The following GGA3 variants were observed in gnomAD, a reference collection of about 807,000 sequenced individuals.
GGA3 encodes golgi associated, gamma adaptin ear containing, ARF binding protein 3, also known as ADP-ribosylation factor-binding protein GGA3.
Under a neutral mutation model 77.5 loss-of-function variants are expected in GGA3, and 57 were observed. The observed-to-expected ratio is 0.74, with a 90% CI of 0.59 to 0.92. GGA3 has a LOEUF of 0.92. Ranked by LOEUF, GGA3 falls within the 40% of genes least tolerant of loss-of-function variation. The pLI is 0.00. For missense variants in GGA3, 970 were observed against 914.9 expected, an observed-to-expected ratio of 1.06 and a Z score of -0.78; for synonymous variants, 416 against 383.7, an observed-to-expected ratio of 1.08 and a Z score of -0.98.
chr17:75,240,845 G>T lies in GGA3; in HGVS notation c.1159C>A (p.Leu387Ile). Reference protein sequence around the residue: ...TLGPSSTSNALSWLDEELLCL... With the variant: ...TLGPSSTSNAISWLDEELLCL... ...AGTAGCTCCTCGTCCAGCCAGGAGA[G>T]GGCGTTGCTTGTGCTGCTGGGCCCC... Residue 387 changes from leucine to isoleucine, a missense_variant, in exon 11 of 17, where the codon CTC becomes ATC. Physicochemically the swap from Leu to Ile is conservative, Grantham distance 5 (BLOSUM62 2). Coordinates refer to ENST00000537686, the MANE Select transcript of GGA3 (RefSeq NM_138619.4). The T allele has an allele frequency of 6.2e-7, 1 of 1,613,018 alleles. No homozygotes were observed. The highest frequency in any genetic ancestry group is 8.5e-7 in the Non-Finnish European group (1 of 1,179,838).
At position 75,240,924 on chromosome 17, in the gene GGA3, G is replaced by A; in HGVS notation, c.1080C>T (p.Pro360=). The change falls in exon 11 of 17, where the codon CCC becomes CCT. Residue 360 remains proline (P), a synonymous_variant. Coordinates refer to ENST00000537686, the MANE Select transcript of GGA3 (RefSeq NM_138619.4). ...GGCTCCGTGGAGGTCCTGAGGCCTG[G>A]GGTGGTGGAGGGAGGATTGGGATGC... The part of the protein sequence containing the change: ...SSGIPILPPP[P]QASGPPRSRS... 6.2e-7 allele frequency: 1 copy of A among 1,614,020 alleles called. No homozygotes were observed. The highest frequency in any genetic ancestry group is 8.5e-7 in the Non-Finnish European group (1 of 1,179,952).
intron 1 of GGA3, among the ~76,000 whole-genome samples, chr17:75,250,762 CAAAAAAA>C (rs5822078): frequency 2.5e-5 from 2 of 78,834 alleles, no homozygotes; most frequent in Admixed American, 1.4e-4. Flanking sequence ...ACTCCATCTC[CAAAAAAA>C]AAAAAAAAAA....
chr17:75,247,039 C>A (rs1265115155), intron 1 of GGA3, among the ~76,000 whole-genome samples: 1 of 151,788 alleles, frequency 6.6e-6, no homozygotes, highest in Admixed American at 6.6e-5. Context: ...AAAACAAATT[C>A]TGTCTCATGA....
At position 75,243,366 on chromosome 17, in the gene GGA3, G is replaced by T. The variant is rs546013131; in HGVS notation, c.424+81C>A. The T allele has an allele frequency of 3.2e-6, 5 of 1,556,742 alleles. No individual in the cohort carries two copies. In the East Asian group the frequency reaches 1.1e-4, roughly 35 times the overall value. ...CTGTTCTCTTCAGGAGGGACTCTGG[G>T]GATCCCAAACCTTCCCTTCTCTCCT... is the stretch of plus-strand genomic sequence containing the variant. On this transcript the variant is annotated intron_variant, in intron 5 of 16. Transcript: ENST00000537686.
At chr17:75,244,571 T>G (rs756708625) in intron 4 of GGA3, 48 bp downstream of exon 4, 1 of 1,128,498 alleles carries the variant, frequency 8.9e-7, no homozygotes, top group Non-Finnish European at 1.4e-6. Flanking sequence ...GAGATGGGAA[T>G]GAACACAAAA....
upstream of GGA3, chr17:75,262,049 C>A (rs752189720): frequency 2.2e-4 from 342 of 1,565,306 alleles, no homozygotes; most frequent in Non-Finnish European, 2.8e-4. Context: ...AGGCAGGCCG[C>A]GTGGGCCCCT....
rs921842464 is a variant in GGA3 at position 75,238,506 on chromosome 17, C to T, written c.2062-117G>A. Reference sequence around the variant, plus strand: ...GTCCCTTTTCCCCGCAACCCCCAACCATGCTCAGACACTTAACCTAAGGCA... The same window carrying T: ...GTCCCTTTTCCCCGCAACCCCCAACTATGCTCAGACACTTAACCTAAGGCA... On this transcript the variant is annotated intron_variant, in intron 16 of 16. Transcript: ENST00000537686. The T allele has an allele frequency of 8.3e-5, 83 of 997,242 alleles. 5 individuals are homozygous for T. The highest frequency in any genetic ancestry group is 3.1e-6 in the Non-Finnish European group (2 of 654,744). The allele number at this position is 997,242 out of a possible 1,614,324, so 61.8% of individuals were successfully genotyped here.
In GGA3 at chr17:75,237,334, C is replaced by T. The variant is rs894202631; in HGVS notation, c.*945G>A. The stretch of plus-strand genomic sequence containing the variant: ...AGTGTAACATTTGTGATCCTGAGGC[C>T]TCCTGTGTCCAGCCACAGGTGCCAC... On this transcript the variant is annotated 3_prime_UTR_variant, in exon 17 of 17. Coordinates refer to ENST00000537686, the MANE Select transcript of GGA3 (RefSeq NM_138619.4). 1.1e-5 allele frequency: 8 copies of T among 725,260 alleles called. No homozygotes were observed. In the East Asian group the frequency reaches 1.3e-4, roughly 12 times the overall value. The allele number at this position is 725,260 out of a possible 1,614,324, so 44.9% of individuals were successfully genotyped here. A position where few individuals can be genotyped will look rare whatever the true frequency, so the allele number is the denominator to read the frequency against.
At chr17:75,253,102 CCT>C (rs759380864) in intron 1 of GGA3, among the ~76,000 whole-genome samples, 3 of 152,170 alleles carry the variant, frequency 2.0e-5, no homozygotes, top group East Asian at 3.9e-4. Context: ...AGATCAATCC[CCT>C]GTCCTCCTGT....
Position 75,241,637 on chromosome 17 carries a change from A to C in GGA3, c.807T>G (p.Thr269=). The change falls in exon 9 of 17, where the codon ACT becomes ACG. Residue 269 remains threonine, a synonymous_variant. Transcript: ENST00000537686. ...RRTLFKLASE[T]EDNDNSLGDI... ...CACCCAAACTGTTATCATTGTCCTC[A>C]GTCTCACTGGCGAGTTTAAATAAAG... The C allele has an allele frequency of 6.2e-7, 1 of 1,614,108 alleles. No homozygotes were observed. Among genetic ancestry groups the C allele is most frequent in the Non-Finnish European group, 8.5e-7 (1 of 1,179,952 alleles).
Position 75,241,869 on chromosome 17 carries a change from C to T in GGA3, c.748-173G>A, listed in dbSNP as rs150231350. On this transcript the variant is annotated intron_variant, in intron 8 of 16. Transcript: ENST00000537686. The stretch of plus-strand genomic sequence containing the variant: ...TTGCCACCAGCCACCACCACCACAC[C>T]ACATCACCCAGGATGTTTGTCTAGG... The T allele has an allele frequency of 1.9e-4, 122 of 650,946 alleles. 1 individual carries two copies. In the African/African-American group the frequency reaches 2.0e-3, roughly 11 times the overall value. 40.3% of individuals were successfully genotyped at this position (650,946 alleles called of 1,614,324 possible). A position where few individuals can be genotyped will look rare whatever the true frequency, so the allele number is the denominator to read the frequency against.
rs1268833395 is a variant in GGA3 at position 75,243,130 on chromosome 17, C to A, written c.461G>T (p.Arg154Met). The change falls in exon 6 of 17, where the codon AGG becomes ATG. Residue 154 changes from arginine (R) to methionine (M), a missense_variant. Transcript: ENST00000537686. Reference sequence around the variant, plus strand: ...AGGTGGTGGAGAGGGGATCAGCGTCCTATCCACAGGAATTGGTGGGTCAGA... The same window carrying A: ...AGGTGGTGGAGAGGGGATCAGCGTCATATCCACAGGAATTGGTGGGTCAGA... Reference protein sequence around the residue: ...VQSDPPIPVDRTLIPSPPPRP... With the variant: ...VQSDPPIPVDMTLIPSPPPRP... 2.5e-6 allele frequency: 4 copies of A among 1,612,540 alleles called. No homozygotes were observed. Among genetic ancestry groups the A allele is most frequent in the Admixed American group, 3.4e-5 (2 of 59,466 alleles).
At position 75,246,762 on chromosome 17, in the gene GGA3, G is replaced by A; in HGVS notation, c.75C>T (p.Asp25=). 1.2e-6 allele frequency: 2 copies of A among 1,613,654 alleles called. No homozygotes were observed. The highest frequency in any genetic ancestry group is 1.7e-6 in the Non-Finnish European group (2 of 1,179,924). ...KATNPSNRQE[D]WEYIIGFCDQ... ...CACAGAAGCCAATTATGTATTCCCA[G>A]TCCTCCTGGCGGTTGGAAGGATTGG... The change falls in exon 2 of 17, where the codon GAC becomes GAT. Residue 25 remains aspartate, a synonymous_variant. Coordinates refer to ENST00000537686, the MANE Select transcript of GGA3 (RefSeq NM_138619.4).
chr17:75,251,938 G>C (rs2076980260), intron 1 of GGA3, among the ~76,000 whole-genome samples: 1 of 151,552 alleles, frequency 6.6e-6, no homozygotes, highest in Non-Finnish European at 1.5e-5. Flanking sequence ...CTAATTTTTT[G>C]TACTTTTGGT....
rs369877572 is a variant in GGA3, at chr17:75,240,904, C to G, written c.1100G>C (p.Arg367Pro). Residue 367 changes from arginine (R) to proline (P), a missense_variant, in exon 11 of 17, where the codon CGG becomes CCG. Arg to Pro is a moderately radical substitution (Grantham distance 103). Transcript: ENST00000537686. ...PPPPQASGPP[R>P]SRSSSQAEAT... ...CTCGGCCTGGCTAGAGGAGCGGCTC[C>G]GTGGAGGTCCTGAGGCCTGGGGTGG... is the stretch of plus-strand genomic sequence containing the variant. The G allele has an allele frequency of 1.2e-6, 2 of 1,613,530 alleles. No individual in the cohort carries two copies. The highest frequency in any genetic ancestry group is 1.7e-6 in the Non-Finnish European group (2 of 1,179,840).
intron 3 of GGA3, among the ~76,000 whole-genome samples, chr17:75,245,410 C>CT (rs1317886051): frequency 6.6e-6 from 1 of 152,218 alleles, no homozygotes; most frequent in East Asian, 1.9e-4. Flanking sequence ...TCCCTGGCCT[C>CT]TGCCTACTTG....
chr17:75,249,690 T>G (rs908633811), intron 1 of GGA3, among the ~76,000 whole-genome samples: 1 of 152,180 alleles, frequency 6.6e-6, no homozygotes, highest in African/African-American at 2.4e-5. Context: ...GGGCTATTAT[T>G]TTGGGAACAG....
chr17:75,255,131 T>C (rs1208638788), intron 1 of GGA3, among the ~76,000 whole-genome samples: 1 of 152,012 alleles, frequency 6.6e-6, no homozygotes, highest in Non-Finnish European at 1.5e-5. Flanking sequence ...AGTAAGTCCG[T>C]CCTCTTCTTA....
chr17:75,237,135 G>A lies in GGA3; in HGVS notation c.*1144C>T. The A allele has an allele frequency of 2.7e-6, 1 of 365,328 alleles. No homozygotes were observed. Among genetic ancestry groups the A allele is most frequent in the Non-Finnish European group, 5.0e-6 (1 of 198,882 alleles). The allele number at this position is 365,328 out of a possible 1,614,324, so 22.6% of individuals were successfully genotyped here. ...GTCCCAGGATCACATCCAGCAGCTA[G>A]AGTGGCTGGGACAAGCTGGCGGGGG... On this transcript the variant is annotated 3_prime_UTR_variant, in exon 17 of 17. Transcript: ENST00000537686.
Sources: gnomAD v4.1 joint callset for allele counts (sites outside exome capture counted in the v4.1 genomes callset) on GRCh38, gnomAD v4.1.1 for gene constraint, MANE v1.5 for transcripts, NCBI Gene and HGNC (gene_info 2026-07-23, HGNC 2026-07-21) for gene names.